ADAMTSL3: variants seen among roughly 807,000 people sequenced by gnomAD.
The protein encoded by ADAMTSL3 is ADAMTS like 3.
Under a neutral mutation model 201.7 loss-of-function variants are expected in ADAMTSL3, and 128 were observed. The ratio of observed to expected loss-of-function variants is 0.63; its 90% CI spans 0.55 to 0.73. ADAMTSL3 has a LOEUF of 0.73. ADAMTSL3 is among the 30% of genes least tolerant of loss of function. The pLI is 0.00. For missense variants in ADAMTSL3, 1,990 were observed against 2,119.6 expected, an observed-to-expected ratio of 0.94 and a Z score of 1.20; for synonymous variants, 738 against 748.4, an observed-to-expected ratio of 0.99 and a Z score of 0.23.
chr15:84,006,929 C>T (rs978439899), intron 23 of ADAMTSL3, among the ~76,000 whole-genome samples: 2 of 152,030 alleles, frequency 1.3e-5, no homozygotes, highest in African/African-American at 4.8e-5. Context: ...ACATGTTGTG[C>T]CAATGGGAGA....
intron 26 of ADAMTSL3, among the ~76,000 whole-genome samples, chr15:84,022,003 T>C (rs2068213893): frequency 6.6e-6 from 1 of 152,194 alleles, no homozygotes; most frequent in Non-Finnish European, 1.5e-5. Flanking sequence ...AAAAACACAG[T>C]TCTCTAGACT....
rs1238000746 is a variant in ADAMTSL3, at chr15:83,865,617, A to G, written c.803-5185A>G. ...CACCTTATACAAAAATTAATTCAAGATGGATTAAAGACTTAAATGTTTGAC... is the reference window on the plus strand; with the variant it reads ...CACCTTATACAAAAATTAATTCAAGGTGGATTAAAGACTTAAATGTTTGAC... On this transcript the variant is annotated intron_variant, in intron 8 of 29. Coordinates refer to ENST00000286744, the MANE Select transcript of ADAMTSL3 (RefSeq NM_207517.3). 2.6e-5 allele frequency among the ~76,000 whole-genome samples: 4 copies of G among 152,330 alleles called. No homozygotes were observed. The East Asian group carries it at 5.8e-4, about 22-fold the overall frequency.
chr15:83,840,945 C>G (rs1339109130), intron 7 of ADAMTSL3, among the ~76,000 whole-genome samples: 1 of 152,204 alleles, frequency 6.6e-6, no homozygotes, highest in Non-Finnish European at 1.5e-5. Flanking sequence ...ATGGCTTTTG[C>G]CTACTTGGCT....
chr15:83,903,756 A>G (rs941052593), intron 15 of ADAMTSL3, among the ~76,000 whole-genome samples: 1 of 151,294 alleles, frequency 6.6e-6, no homozygotes, highest in African/African-American at 2.4e-5. Context: ...TGTCTCTACT[A>G]AAAATACAAA....
intron 9 of ADAMTSL3, among the ~76,000 whole-genome samples, chr15:83,878,571 G>A (rs1036306074): frequency 2.6e-5 from 4 of 151,552 alleles, no homozygotes; most frequent in Non-Finnish European, 4.4e-5. Context: ...CCAAGATTGC[G>A]CCACTGCACT....
At chr15:83,781,119 TC>T (rs1192824830) in intron 4 of ADAMTSL3, among the ~76,000 whole-genome samples, 2 of 152,100 alleles carry the variant, frequency 1.3e-5, no homozygotes, top group Admixed American at 6.5e-5. Flanking sequence ...TATTTTAACA[TC>T]CATATGGAAC....
chr15:84,029,141 C>G (rs142736987), intron 27 of ADAMTSL3, among the ~76,000 whole-genome samples: 1,556 of 152,220 alleles, frequency 0.01, 26 homozygotes, highest in African/African-American at 0.033. Context: ...TATAAAGATA[C>G]CCAAAAATGT....
chr15:84,010,558 G>T (rs1248357357), intron 23 of ADAMTSL3, among the ~76,000 whole-genome samples: 1 of 152,162 alleles, frequency 6.6e-6, no homozygotes. Context: ...CTGCTGTGGA[G>T]AACTGAGATT....
At chr15:83,866,211 A>G (rs1048503151) in intron 8 of ADAMTSL3, among the ~76,000 whole-genome samples, 55 of 152,242 alleles carry the variant, frequency 3.6e-4, no homozygotes, top group Non-Finnish European at 4.4e-4. Flanking sequence ...TGATTCCTCA[A>G]GGATCTAGAA....
At chr15:83,931,900 G>A (rs7342636) in intron 17 of ADAMTSL3, among the ~76,000 whole-genome samples, 3,873 of 152,202 alleles carry the variant, frequency 0.025, 156 homozygotes, top group African/African-American at 0.087. Flanking sequence ...TGGAAGTAAC[G>A]TCAGAGAATG....
intron 23 of ADAMTSL3, among the ~76,000 whole-genome samples, chr15:84,001,224 ACACAGGTGTCC>A (rs1158286317): frequency 6.6e-6 from 1 of 152,176 alleles, no homozygotes; most frequent in Non-Finnish European, 1.5e-5. Flanking sequence ...AGGGTGTGGG[ACACAGGTGTCC>A]CGAGGCTAGG....
chr15:83,884,247 G>A (rs1249054599), intron 9 of ADAMTSL3, among the ~76,000 whole-genome samples: 1 of 150,682 alleles, frequency 6.6e-6, no homozygotes, highest in Non-Finnish European at 1.5e-5. Context: ...TATTTATAGT[G>A]TATAACATGA....
intron 6 of ADAMTSL3, among the ~76,000 whole-genome samples, chr15:83,823,972 T>TCTCCTCCTCCTCCTCCTCCTC (rs1186674867): frequency 1.4e-5 from 1 of 71,106 alleles, no homozygotes; most frequent in African/African-American, 4.2e-5. Flanking sequence ...TTCTTCTTCT[T>TCTCCTCCTCCTCCTCCTCCTC]CTCCTCCTCC....
intron 8 of ADAMTSL3, among the ~76,000 whole-genome samples, chr15:83,859,564 G>A (rs956203289): frequency 6.6e-6 from 1 of 152,162 alleles, no homozygotes; most frequent in African/African-American, 2.4e-5. Context: ...TCTGGCTATT[G>A]TTTTAATCCA....
intron 27 of ADAMTSL3, among the ~76,000 whole-genome samples, chr15:84,027,190 G>A (rs2068325776): frequency 6.6e-6 from 1 of 152,166 alleles, no homozygotes; most frequent in South Asian, 2.1e-4. Flanking sequence ...TACAAGTTTA[G>A]GCTCACTGGG....
At chr15:83,669,704 G>C (rs889662736) in intron 2 of ADAMTSL3, among the ~76,000 whole-genome samples, 20 of 151,238 alleles carry the variant, frequency 1.3e-4, no homozygotes, top group Non-Finnish European at 2.7e-4. Context: ...TCCTGACGTC[G>C]TGATCTGTCC....
At chr15:83,676,914 C>T (rs1394336954) in intron 2 of ADAMTSL3, among the ~76,000 whole-genome samples, 1 of 152,224 alleles carries the variant, frequency 6.6e-6, no homozygotes, top group Admixed American at 6.5e-5. Context: ...TCTTGGACCT[C>T]CCACTCTCCA....
intron 10 of ADAMTSL3, among the ~76,000 whole-genome samples, chr15:83,886,406 T>A (rs1267670288): frequency 6.6e-6 from 1 of 152,204 alleles, no homozygotes; most frequent in Non-Finnish European, 1.5e-5. Context: ...AAGGAAGGTC[T>A]CTTTTATTCC....
intron 15 of ADAMTSL3, among the ~76,000 whole-genome samples, chr15:83,908,156 T>C (rs1045318120): frequency 8.5e-5 from 13 of 152,258 alleles, no homozygotes; most frequent in South Asian, 2.1e-4. Context: ...TGGATTCATA[T>C]GCTGTCATCC....
Sources: allele counts gnomAD v4.1 joint callset (sites outside exome capture counted in the v4.1 genomes callset), GRCh38; gene constraint gnomAD v4.1.1; transcripts MANE v1.5; gene names NCBI Gene and HGNC (gene_info 2026-07-23, HGNC 2026-07-21).